OPA1: variants seen among roughly 807,000 people sequenced by gnomAD.
The protein encoded by OPA1 is OPA1 mitochondrial dynamin like GTPase.
A neutral mutation model predicts 152.9 loss-of-function variants in OPA1; 59 were observed. The ratio of observed to expected loss-of-function variants is 0.39; its 90% confidence interval spans 0.31 to 0.48. The LOEUF (loss-of-function observed/expected upper bound fraction) is 0.48, where lower values mean the gene tolerates loss of function less well. Among genes scored for constraint, OPA1 ranks in the 20% least tolerant of loss-of-function variants. The pLI is 0.96. For missense variants in OPA1, 1,008 were observed against 1,216.8 expected (o/e 0.83, Z 2.55); for synonymous variants, 400 against 389.9 (o/e 1.03, Z -0.31).
chr3:193,623,764 T>C (rs1417868140), intron 6 of OPA1, among the ~76,000 whole-genome samples: 1 of 152,158 alleles, frequency 6.6e-6, no homozygotes, highest in African/African-American at 2.4e-5. Context: ...ATCTGAGGAG[T>C]GTATCTTGCA....
chr3:193,643,943 A>G (rs1390008244), intron 15 of OPA1, 32 bp from the exon 16 acceptor site: 14 of 1,611,184 alleles, frequency 8.7e-6, no homozygotes, highest in Non-Finnish European at 1.2e-5. Context: ...ACATCTTAAA[A>G]TTCCACAGTG....
chr3:193,621,181 GTAA>G (rs1729998226), intron 6 of OPA1, among the ~76,000 whole-genome samples: 2 of 152,184 alleles, frequency 1.3e-5, no homozygotes, highest in African/African-American at 2.4e-5. Context: ...TTTTAAAAAA[GTAA>G]TAATAATTGA....
intron 29 of OPA1, chr3:193,668,809 T>C (rs1239118113): frequency 2.6e-6 from 3 of 1,158,660 alleles, no homozygotes; most frequent in East Asian, 5.8e-5. Flanking sequence ...TTTGGTTGTT[T>C]CTTGTAGGTT....
intron 8 of OPA1, 136 bp downstream of exon 8, chr3:193,631,801 G>T (rs916125615): frequency 6.8e-6 from 5 of 730,598 alleles, no homozygotes; most frequent in African/African-American, 1.8e-5. Flanking sequence ...ATTATCGATA[G>T]ATGCAAAAGC....
intron 25 of OPA1, among the ~76,000 whole-genome samples, chr3:193,660,469 A>G (rs892485132): frequency 5.3e-5 from 8 of 152,224 alleles, no homozygotes; most frequent in African/African-American, 1.7e-4. Context: ...GAGATCAAGT[A>G]ATGGAAAAAT....
chr3:193,602,931 A>G (rs1726682408), intron 1 of OPA1, among the ~76,000 whole-genome samples: 1 of 152,244 alleles, frequency 6.6e-6, no homozygotes, highest in Non-Finnish European at 1.5e-5. Flanking sequence ...GAAAACATGC[A>G]AACTATTACA....
At chr3:193,628,174 G>T (rs1196225696) in intron 7 of OPA1, among the ~76,000 whole-genome samples, 1 of 152,038 alleles carries the variant, frequency 6.6e-6, no homozygotes, top group Non-Finnish European at 1.5e-5. Context: ...AAAACCGCAA[G>T]TACTTTTTGT....
intron 29 of OPA1, among the ~76,000 whole-genome samples, chr3:193,673,794 A>G (rs1192049070): frequency 2.0e-5 from 3 of 152,250 alleles, no homozygotes; most frequent in African/African-American, 7.2e-5. Context: ...CTCATTTACC[A>G]ATAAAATGTG....
At chr3:193,597,154 TA>T (rs1490891400) in intron 1 of OPA1, among the ~76,000 whole-genome samples, 1 of 151,158 alleles carries the variant, frequency 6.6e-6, no homozygotes, top group East Asian at 2.0e-4. Flanking sequence ...GAGTGAGAAG[TA>T]GGTTAGGTCT....
chr3:193,687,673 A>G lies in OPA1; in HGVS notation c.2984-4390A>G, dbSNP rs531096318. Among the ~76,000 whole-genome samples the G allele has an allele frequency of 5.9e-5, 9 of 152,338 alleles. No individual in the cohort carries two copies. The South Asian group carries it at 1.9e-3, about 32-fold the overall frequency. On this transcript the variant is annotated intron_variant, in intron 29 of 30. Coordinates refer to ENST00000361510, the MANE Select transcript of OPA1 (RefSeq NM_130837.3). ...AAAGTAGGGAGTTTTTGTTGCCAACATTTAACTTCATTGTTTATGGATAAC... is the reference window on the plus strand; with the variant it reads ...AAAGTAGGGAGTTTTTGTTGCCAACGTTTAACTTCATTGTTTATGGATAAC...
rs780106471 is a variant in OPA1 at position 193,667,280 on chromosome 3, A to G, written c.2983A>G (p.Lys995Glu). ...ACGCGTTCAACTGGCGGAAGACCTC[A>G]GTGAGTAGTTCTTACTGCCCTCTAC... ...GKRVQLAEDLKKVREIQEKLD... is the reference protein window; with the variant it reads ...GKRVQLAEDLEKVREIQEKLD... Residue 995 changes from lysine to glutamate, a missense_variant and splice_region_variant, in exon 29 of 31, where the codon AAG becomes GAG. Physicochemically the swap from Lys to Glu is moderately conservative, Grantham distance 56. Around this residue, in one of 7 missense-constraint regions of OPA1, gnomAD observed 137 missense variants for 171.0 expected, o/e 0.80. Transcript: ENST00000361510. 1.4e-6 allele frequency: 2 copies of G among 1,430,264 alleles called. No homozygotes were observed. Among genetic ancestry groups the G allele is most frequent in the East Asian group, 4.6e-5 (2 of 43,946 alleles). The allele number at this position is 1,430,264 out of a possible 1,614,324, so 88.6% of individuals were successfully genotyped here.
chr3:193,615,622 A>G (rs1190527401), intron 2 of OPA1, 52 bp from the exon 3 acceptor site: 3 of 959,672 alleles, frequency 3.1e-6, no homozygotes, highest in African/African-American at 1.6e-5. Flanking sequence ...TTTTCTTTAC[A>G]TGTTTATTTG....
At chr3:193,632,648 C>T (rs1336726826) in intron 8 of OPA1, among the ~76,000 whole-genome samples, 3 of 152,074 alleles carry the variant, frequency 2.0e-5, no homozygotes, top group East Asian at 3.9e-4. Flanking sequence ...GCAGGAGGAT[C>T]GCTTGAGCCC....
At chr3:193,631,463 C>T in intron 7 of OPA1, 149 bp from the exon 8 acceptor site, 1 of 584,442 alleles carries the variant, frequency 1.7e-6, no homozygotes, top group Non-Finnish European at 3.0e-6. Context: ...TTTTTACTTT[C>T]TTAAATCACT....
intron 7 of OPA1, among the ~76,000 whole-genome samples, chr3:193,630,825 A>G (rs1731962318): frequency 6.6e-6 from 1 of 152,164 alleles, no homozygotes; most frequent in Admixed American, 6.5e-5. Flanking sequence ...TATTGTGACT[A>G]CTTTAAAACC....
chr3:193,686,378 G>A (rs761819761), intron 29 of OPA1, among the ~76,000 whole-genome samples: 3 of 152,138 alleles, frequency 2.0e-5, no homozygotes, highest in Non-Finnish European at 4.4e-5. Context: ...ACATGCAGGA[G>A]TGTTCTGTCT....
intron 26 of OPA1, among the ~76,000 whole-genome samples, chr3:193,664,139 AGTTT>A (rs1715963308): frequency 6.6e-6 from 1 of 152,080 alleles, no homozygotes; most frequent in South Asian, 2.1e-4. Context: ...TTTAAGTGAC[AGTTT>A]GTTCAGTGCA....
intron 26 of OPA1, 79 bp from the exon 27 acceptor site, chr3:193,664,801 T>C: frequency 1.2e-6 from 1 of 824,204 alleles, no homozygotes; most frequent in Non-Finnish European, 2.1e-6. Flanking sequence ...GTAAATATAA[T>C]TTTTGTACAA....
chr3:193,608,858 C>A (rs1298763798), intron 1 of OPA1, among the ~76,000 whole-genome samples: 1 of 151,914 alleles, frequency 6.6e-6, no homozygotes, highest in Non-Finnish European at 1.5e-5. Context: ...GTAGGTCACT[C>A]AGGGCTTGCT....
Sources: allele counts gnomAD v4.1 joint callset (sites outside exome capture counted in the v4.1 genomes callset), GRCh38; gene constraint gnomAD v4.1.1; regional missense constraint gnomAD v4.1.1; transcripts MANE v1.5; gene names NCBI Gene and HGNC (gene_info 2026-07-23, HGNC 2026-07-21).